GPR161: variants seen among roughly 807,000 people sequenced by gnomAD.
GPR161 encodes the protein G-protein coupled receptor RE2.
In GPR161, 25 loss-of-function variants were observed where a neutral mutation model predicts 39.2. The observed-to-expected ratio is 0.64, with a 90% CI of 0.47 to 0.89. The LOEUF is 0.89. Among genes scored for constraint, GPR161 ranks in the 40% least tolerant of loss-of-function variants. The pLI is 0.00. For missense variants in GPR161, 547 were observed against 677.8 expected, an observed-to-expected ratio of 0.81 and a Z score of 2.14; for synonymous variants, 286 against 276.6, an observed-to-expected ratio of 1.03 and a Z score of -0.34.
At chr1:168,115,707 G>T (rs910955866) in intron 1 of GPR161, among the ~76,000 whole-genome samples, 1 of 152,034 alleles carries the variant, frequency 6.6e-6, no homozygotes. Context: ...AGGTCCTGAC[G>T]CCTCTCTAAT....
At chr1:168,120,104 C>T (rs1698044272) in intron 1 of GPR161, among the ~76,000 whole-genome samples, 1 of 152,220 alleles carries the variant, frequency 6.6e-6, no homozygotes, top group Non-Finnish European at 1.5e-5. Context: ...ACAACTTGCA[C>T]CATGCACCTG....
At chr1:168,135,074 C>A (rs1699265033) in intron 1 of GPR161, 2 of 1,470,716 alleles carry the variant, frequency 1.4e-6, no homozygotes, top group East Asian at 2.5e-5. Context: ...ATCGTTGCGG[C>A]CTTGGATTAG....
chr1:168,093,372 A>T (rs1262154435), intron 3 of GPR161, among the ~76,000 whole-genome samples: 2 of 152,206 alleles, frequency 1.3e-5, no homozygotes, highest in Non-Finnish European at 2.9e-5. Flanking sequence ...TGAGAGAAGC[A>T]GAACCACTGA....
chr1:168,098,900 G>A lies in GPR161; in HGVS notation c.375-1668C>T, dbSNP rs1256590635. ...TGGAGCTGGAAATTCAAGTTCAGAT[G>A]GAGGCTCTGATGTCTATTAGCTATG... On this transcript the variant is annotated intron_variant, in intron 2 of 5. Coordinates refer to ENST00000682931, the MANE Select transcript of GPR161 (RefSeq NM_001375883.1). This position sits in a 1 kb window ranked among gnomAD's most constrained non-coding sequence, Gnocchi z 4.1. 6.6e-6 allele frequency among the ~76,000 whole-genome samples: 1 copy of A among 152,192 alleles called. No individual in the cohort carries two copies. Among genetic ancestry groups the A allele is most frequent in the Non-Finnish European group, 1.5e-5 (1 of 68,032 alleles).
intron 1 of GPR161, among the ~76,000 whole-genome samples, chr1:168,121,307 C>G (rs1318293297): frequency 6.6e-6 from 1 of 152,146 alleles, no homozygotes; most frequent in Non-Finnish European, 1.5e-5. Context: ...CATGGTAAAA[C>G]AGAATTCTAC....
chr1:168,091,040 T>C (rs140524588), intron 3 of GPR161, among the ~76,000 whole-genome samples: 1 of 152,336 alleles, frequency 6.6e-6, no homozygotes, highest in African/African-American at 2.4e-5. Flanking sequence ...GAAATCCTAC[T>C]TGAATTATCA....
chr1:168,111,049 C>A (rs998526318), intron 1 of GPR161, among the ~76,000 whole-genome samples: 1 of 151,904 alleles, frequency 6.6e-6, no homozygotes, highest in African/African-American at 2.4e-5. Flanking sequence ...AAGAAACGTC[C>A]GAGGAAATTA....
intron 1 of GPR161, among the ~76,000 whole-genome samples, chr1:168,128,668 G>C: frequency 6.6e-6 from 1 of 152,126 alleles, no homozygotes; most frequent in East Asian, 1.9e-4. Flanking sequence ...TCTATCACAA[G>C]ATAAAAAATA....
In GPR161 at chr1:168,096,733, A is replaced by T. The variant is rs936711340; in HGVS notation, c.874T>A (p.Ser292Thr). 6.2e-7 allele frequency: 1 copy of T among 1,613,930 alleles called. No individual in the cohort carries two copies. The highest frequency in any genetic ancestry group is 8.5e-7 in the Non-Finnish European group (1 of 1,180,022). Residue 292 changes from serine (S) to threonine (T), a missense_variant, in exon 3 of 6, where the codon TCT becomes ACT. Coordinates refer to ENST00000682931, the MANE Select transcript of GPR161 (RefSeq NM_001375883.1). ...TWGPYMVVIASEALWGKSSVS... is the reference protein window; with the variant it reads ...TWGPYMVVIATEALWGKSSVS... ...GAGCTTTTCCCCCAGAGGGCCTCAG[A>T]GGCGATGACAACCATGTAGGGGCCC...
intron 1 of GPR161, among the ~76,000 whole-genome samples, chr1:168,110,666 G>A (rs1005711052): frequency 5.4e-5 from 8 of 149,320 alleles, no homozygotes; most frequent in Non-Finnish European, 8.8e-5. Flanking sequence ...ACTCACTCCC[G>A]TAATCCCAGC....
chr1:168,089,788 G>C lies in GPR161; in HGVS notation c.1204+776C>G, dbSNP rs1200427563. ...CCCAGGGCCTCCTGTGGCTCTAACAGCGTGCTTCCAGCACAGGATACAGCA... is the reference window on the plus strand; with the variant it reads ...CCCAGGGCCTCCTGTGGCTCTAACACCGTGCTTCCAGCACAGGATACAGCA... On this transcript the variant is annotated intron_variant, in intron 4 of 5. Coordinates refer to ENST00000682931, the MANE Select transcript of GPR161 (RefSeq NM_001375883.1). 2.0e-5 allele frequency among the ~76,000 whole-genome samples: 3 copies of C among 152,346 alleles called. No homozygotes were observed. In the East Asian group the frequency reaches 5.8e-4, roughly 29 times the overall value.
At chr1:168,129,760 T>C (rs1463840028) in intron 1 of GPR161, among the ~76,000 whole-genome samples, 1 of 152,228 alleles carries the variant, frequency 6.6e-6, no homozygotes, top group African/African-American at 2.4e-5. Flanking sequence ...TAGACCTAAT[T>C]ACTGACAAAG....
chr1:168,136,019 G>A (rs1030315784), intron 1 of GPR161: 4 of 1,229,258 alleles, frequency 3.3e-6, no homozygotes, highest in East Asian at 6.4e-5. Context: ...CCCAACAGAC[G>A]TTCTCATCCC....
Position 168,136,911 on chromosome 1 carries a change from C to A in GPR161, c.-217G>T, listed in dbSNP as rs1434510489. On this transcript the variant is annotated 5_prime_UTR_variant, in exon 1 of 6. Transcript: ENST00000682931. ...CGGGCCAGCCACCAGCACGCGGACC[C>A]GGGCGGGCGCAGGCCAAGTAACTTT... 10 of 980,796 alleles carry A rather than the reference C, an allele frequency of 1.0e-5. No homozygotes were observed. The highest frequency in any genetic ancestry group is 1.2e-5 in the Non-Finnish European group (10 of 828,098). The allele number at this position is 980,796 out of a possible 1,614,324, so 60.8% of individuals were successfully genotyped here. A position where few individuals can be genotyped will look rare whatever the true frequency, so the allele number is the denominator to read the frequency against.
intron 1 of GPR161, among the ~76,000 whole-genome samples, chr1:168,135,661 GGGA>G (rs1161314692): frequency 2.1e-5 from 3 of 139,674 alleles, no homozygotes; most frequent in South Asian, 4.4e-4. Context: ...AGGTCACTAG[GGGA>G]GAAGAAGCCA....
intron 1 of GPR161, among the ~76,000 whole-genome samples, chr1:168,116,740 C>G (rs1697665970): frequency 6.6e-6 from 1 of 152,220 alleles, no homozygotes; most frequent in Non-Finnish European, 1.5e-5. Context: ...CTCTGCAACC[C>G]CAGGGGCGTG....
chr1:168,136,958 G>GCC (rs1271768251), upstream of GPR161: 67 of 404,604 alleles, frequency 1.7e-4, no homozygotes, highest in African/African-American at 2.8e-3. Flanking sequence ...GCCCCGCCCC[G>GCC]CCCCCCCCAC....
intron 1 of GPR161, chr1:168,114,412 C>T (rs1056203198): frequency 1.3e-5 from 2 of 152,160 alleles, no homozygotes; most frequent in African/African-American, 4.8e-5. Context: ...GAAACCCTGT[C>T]TCTACTAAAA....
intron 1 of GPR161, among the ~76,000 whole-genome samples, chr1:168,117,196 G>A (rs4657733): frequency 0.43 from 65,223 of 152,120 alleles, 15,270 homozygotes; most frequent in African/African-American, 0.62. Context: ...CCAAGGCTCA[G>A]TCCTTAATCC....
Sources: allele counts gnomAD v4.1 joint callset (sites outside exome capture counted in the v4.1 genomes callset), GRCh38; gene constraint gnomAD v4.1.1; non-coding constraint Gnocchi (gnomAD v3.1); transcripts MANE v1.5; gene names NCBI Gene and HGNC (gene_info 2026-07-23, HGNC 2026-07-21).